KIF18B: variants seen among roughly 807,000 people sequenced by gnomAD.
KIF18B encodes kinesin family member 18B.
KIF18B carries 49 observed loss-of-function variants against 80.9 expected under a neutral mutation model. The ratio of observed to expected loss-of-function variants is 0.61; its 90% CI spans 0.48 to 0.77. KIF18B has a LOEUF of 0.77. Ranked by LOEUF, KIF18B falls within the 30% of genes least tolerant of loss-of-function variation. The probability of loss-of-function intolerance (pLI) is 0.00; values close to 1 mark genes in which losing one functional copy is unlikely to be tolerated. For missense variants in KIF18B, 994 were observed against 1,127.7 expected, an observed-to-expected ratio of 0.88 and a Z score of 1.70; for synonymous variants, 439 against 463.9, an observed-to-expected ratio of 0.95 and a Z score of 0.69.
In KIF18B at chr17:44,928,299, G is replaced by T. The variant is rs1272024228; in HGVS notation, c.2003C>A (p.Pro668His). The change falls in exon 13 of 16, where the codon CCT (proline) becomes CAT (histidine). Residue 668 changes from proline (P) to histidine (H), a missense_variant. Coordinates refer to ENST00000593135, the MANE Select transcript of KIF18B (RefSeq NM_001265577.2). ...TTTGGGGGTGCTGGGCCCCTGTGAA[G>T]GTTGGGTGTCAGGCAGAGACCCTCT... ...LRRGSLPDTQ[P>H]SQGPSTPKGE... is the part of the protein sequence containing the mutation. 3.1e-6 allele frequency: 5 copies of T among 1,613,380 alleles called. No individual in the cohort carries two copies. The highest frequency in any genetic ancestry group is 2.2e-5 in the South Asian group (2 of 91,010).
At chr17:44,932,557 C>G (rs561829123) in intron 9 of KIF18B, 116 bp downstream of exon 9, 1 of 717,180 alleles carries the variant, frequency 1.4e-6, no homozygotes, top group Non-Finnish European at 2.5e-6. Flanking sequence ...ACCCTTAACC[C>G]TAGGGATTGG....
intron 11 of KIF18B, among the ~76,000 whole-genome samples, chr17:44,929,433 A>G (rs919939226): frequency 6.6e-6 from 1 of 152,120 alleles, no homozygotes; most frequent in African/African-American, 2.4e-5. Flanking sequence ...AGGGGCAGTT[A>G]AGAGCCCAGC....
rs1283693589 is a variant in KIF18B, at chr17:44,928,454, G to A, written c.1848C>T (p.Thr616=). ...TGGGCCATCGGGACCCCTGGGCTGGGGTGCAGTTGGGTCCAGGCGGGATTC... is the reference window on the plus strand; with the variant it reads ...TGGGCCATCGGGACCCCTGGGCTGGAGTGCAGTTGGGTCCAGGCGGGATTC... ...TLGIPPGPNC[T]PAQGSRWPME... The change falls in exon 13 of 16, where the codon ACC becomes ACT. Residue 616 remains threonine (T), a synonymous_variant. Coordinates refer to ENST00000593135, the MANE Select transcript of KIF18B (RefSeq NM_001265577.2). The A allele has an allele frequency of 4.6e-6, 7 of 1,535,250 alleles. No individual in the cohort carries two copies. The highest frequency in any genetic ancestry group is 6.1e-6 in the Non-Finnish European group (7 of 1,145,778).
At position 44,936,620 on chromosome 17, in the gene KIF18B, ATATATTTTTTTTTTTTTTTTTT is replaced by A. The variant is rs1486567417; in HGVS notation, c.-14-284_-14-263del. Among the ~76,000 whole-genome samples the A allele has an allele frequency of 4.5e-3, 271 of 60,144 alleles. 6 individuals are homozygous for A. The highest frequency in any genetic ancestry group is 0.019 in the African/African-American group (249 of 13,132). The allele number at this position is 60,144 out of a possible 152,430, so 39.5% of individuals were successfully genotyped here. Reference sequence around the variant, plus strand: ...TCTCTATATATATATATATATATATATATATTTTTTTTTTTTTTTTTTTTTTTTTTTTTTTTTGAGACGGACT... The same window carrying A: ...TCTCTATATATATATATATATATATATTTTTTTTTTTTTTTGAGACGGACT... On this transcript the variant is annotated intron_variant, in intron 1 of 15. Transcript: ENST00000593135.
At position 44,932,167 on chromosome 17, in the gene KIF18B, G is replaced by A; in HGVS notation, c.1278C>T (p.Ala426=). The A allele has an allele frequency of 2.5e-6, 4 of 1,613,416 alleles. No individual in the cohort carries two copies. The highest frequency in any genetic ancestry group is 1.3e-5 in the African/African-American group (1 of 75,022). The change falls in exon 10 of 16, where the codon GCC becomes GCT. Residue 426 remains alanine (A), a synonymous_variant. Coordinates refer to ENST00000593135, the MANE Select transcript of KIF18B (RefSeq NM_001265577.2). ...CTPELPAGPR[A]LQEESLGMEA... ...CCATCCCCAGACTCTCCTCTTGAAG[G>A]GCTCTAGGCCCTGCAGGGAGCTCTG... is the stretch of plus-strand genomic sequence containing the variant.
Position 44,927,391 on chromosome 17 carries a change from C to T in KIF18B, c.2277-313G>A, listed in dbSNP as rs1017199113. Among the ~76,000 whole-genome samples the T allele has an allele frequency of 2.5e-4, 38 of 152,210 alleles. No homozygotes were observed. The highest frequency in any genetic ancestry group is 4.6e-4 in the Non-Finnish European group (31 of 67,994). On this transcript the variant is annotated intron_variant, in intron 13 of 15. Transcript: ENST00000593135. This position sits in a 1 kb window ranked among gnomAD's most constrained non-coding sequence, Gnocchi z 4.1. ...GCTGCTTCTCGGGCTATGGAATGGG[C>T]GGGTGCGTGGGTGGGCAGAGCCTGC...
chr17:44,929,091 T>C (rs1246109908), intron 11 of KIF18B, 67 bp from the exon 12 acceptor site: 1 of 1,379,352 alleles, frequency 7.2e-7, no homozygotes, highest in African/African-American at 1.4e-5. Context: ...CTCTATGCCA[T>C]GCACCTGTCC....
At chr17:44,937,456 TTAG>T (rs2052332530) in intron 1 of KIF18B, among the ~76,000 whole-genome samples, 1 of 152,232 alleles carries the variant, frequency 6.6e-6, no homozygotes, top group African/African-American at 2.4e-5. Flanking sequence ...ATCTCTTCAG[TTAG>T]TTCTGTAATT....
In KIF18B at chr17:44,926,977, C is replaced by A; in HGVS notation, c.2366+12G>T. On this transcript the variant is annotated intron_variant, in intron 14 of 15. Transcript: ENST00000593135. ...TCCTTCTCCCAGACAGCTGACACCT[C>A]CCAAACCTCACCTCGCAACGCGCTT... The A allele has an allele frequency of 6.2e-7, 1 of 1,600,764 alleles. No individual in the cohort carries two copies. Among genetic ancestry groups the A allele is most frequent in the Admixed American group, 1.7e-5 (1 of 58,094 alleles).
rs760039387 is a variant in KIF18B, at chr17:44,926,173, A to T, written c.2466T>A (p.Ser822Arg). The change falls in exon 16 of 16, where the codon AGT (serine) becomes AGA (arginine). Residue 822 changes from serine (S) to arginine (R), a missense_variant. By Grantham distance (110) the Ser-to-Arg change is moderately radical. Transcript: ENST00000593135. ...GPLVLPELPLSPLCPSNRRNG... is the reference protein window; with the variant it reads ...GPLVLPELPLRPLCPSNRRNG... ...TCCTCCGGTTGCTAGGGCACAGGGG[A>T]CTCAAGGGCAGCTCTGCAGGCCAGT... 1 of 1,613,696 alleles carries T rather than the reference A, an allele frequency of 6.2e-7. No individual in the cohort carries two copies. Among genetic ancestry groups the T allele is most frequent in the Non-Finnish European group, 8.5e-7 (1 of 1,179,822 alleles).
chr17:44,936,236 C>T lies in KIF18B; in HGVS notation c.109G>A (p.Val37Met), dbSNP rs755569585. Reference protein sequence around the residue: ...RPVVQVVDERVLVFNPEEPDG... With the variant: ...RPVVQVVDERMLVFNPEEPDG... Reference sequence around the variant, plus strand: ...GGCTCCTCAGGGTTAAACACCAGCACCCGCTCGTCCACCACCTGAACCACT... The same window carrying T: ...GGCTCCTCAGGGTTAAACACCAGCATCCGCTCGTCCACCACCTGAACCACT... Residue 37 changes from valine to methionine, a missense_variant, in exon 2 of 16, where the codon GTG becomes ATG. Coordinates refer to ENST00000593135, the MANE Select transcript of KIF18B (RefSeq NM_001265577.2). The T allele has an allele frequency of 1.9e-6, 3 of 1,610,408 alleles. No homozygotes were observed. The South Asian group carries it at 3.3e-5, about 18-fold the overall frequency.
In KIF18B at chr17:44,936,333, C is replaced by T. The variant is rs779858299; in HGVS notation, c.12G>A (p.Glu4=). 4 of 1,605,152 alleles carry T rather than the reference C, an allele frequency of 2.5e-6. No homozygotes were observed. The highest frequency in any genetic ancestry group is 3.4e-6 in the Non-Finnish European group (4 of 1,177,268). The part of the protein sequence containing the change: MAV[E]DSTLQVVVRV... The stretch of plus-strand genomic sequence containing the variant: ...GTACCACTACTTGCAGCGTGCTGTC[C>T]TCCACTGCCATCACTGTGGTGACAC... The change falls in exon 2 of 16, where the codon GAG becomes GAA. Residue 4 remains glutamate (E), a synonymous_variant. Coordinates refer to ENST00000593135, the MANE Select transcript of KIF18B (RefSeq NM_001265577.2).
At position 44,926,425 on chromosome 17, in the gene KIF18B, A is replaced by C. The variant is rs2052026881; in HGVS notation, c.2441T>G (p.Leu814Arg). The C allele has an allele frequency of 1.3e-6, 2 of 1,575,590 alleles. No individual in the cohort carries two copies. The highest frequency in any genetic ancestry group is 1.7e-6 in the Non-Finnish European group (2 of 1,160,742). ...SSTLKRPAGP[L>R]VLPELPLSPL... ...CTAGTGCCAGTCACCTGGGAGTACA[A>C]GGGGCCCAGCTGGCCTCTTCAAAGT... The change falls in exon 15 of 16, where the codon CTT (leucine) becomes CGT (arginine). Residue 814 changes from leucine (L) to arginine (R), a missense_variant. Leu to Arg is a moderately radical substitution (Grantham distance 102, BLOSUM62 -2). Coordinates refer to ENST00000593135, the MANE Select transcript of KIF18B (RefSeq NM_001265577.2).
At chr17:44,941,317 G>A (rs1256820840) in intron 1 of KIF18B, among the ~76,000 whole-genome samples, 1 of 151,230 alleles carries the variant, frequency 6.6e-6, no homozygotes, top group Non-Finnish European at 1.5e-5. Flanking sequence ...TCAAATATAT[G>A]GACTGTACCT....
At chr17:44,945,906 GA>G (rs749503310) in intron 1 of KIF18B, among the ~76,000 whole-genome samples, 385 of 92,046 alleles carry the variant, frequency 4.2e-3, no homozygotes, top group Admixed American at 5.9e-3. Flanking sequence ...TTCTGTCTCA[GA>G]AAAAAAAAAA....
intron 1 of KIF18B, among the ~76,000 whole-genome samples, chr17:44,936,620 ATATATTTTTTTTTTTTT>A (rs2052313735): frequency 1.7e-5 from 1 of 60,154 alleles, no homozygotes; most frequent in Non-Finnish European, 2.9e-5. Flanking sequence ...ATATATATAT[ATATATTTTTTTTTTTTT>A]TTTTTTTTTT....
At chr17:44,938,496 C>G (rs1210632363) in intron 1 of KIF18B, among the ~76,000 whole-genome samples, 1 of 152,122 alleles carries the variant, frequency 6.6e-6, no homozygotes, top group Non-Finnish European at 1.5e-5. Flanking sequence ...GCTTTTATGT[C>G]ATACTTAAGA....
At chr17:44,933,220 G>T (rs913691777) in intron 7 of KIF18B, among the ~76,000 whole-genome samples, 2 of 152,056 alleles carry the variant, frequency 1.3e-5, no homozygotes, top group African/African-American at 4.8e-5. Flanking sequence ...TTCTTGCAGT[G>T]GTCCCAGGAG....
intron 1 of KIF18B, among the ~76,000 whole-genome samples, chr17:44,943,343 A>G (rs1021540474): frequency 1.1e-4 from 17 of 151,330 alleles, no homozygotes; most frequent in Admixed American, 1.1e-3. Context: ...TTTGTGATCC[A>G]CCCGCCTCGG....
Sources: allele counts gnomAD v4.1 joint callset (sites outside exome capture counted in the v4.1 genomes callset), GRCh38; gene constraint gnomAD v4.1.1; non-coding constraint Gnocchi (gnomAD v3.1); transcripts MANE v1.5; gene names NCBI Gene and HGNC (gene_info 2026-07-23, HGNC 2026-07-21).